Variants in PKD1L1 observed in about 807,000 individuals in gnomAD.
The protein encoded by PKD1L1 is polycystin 1 like 1, transient receptor potential channel interacting.
In PKD1L1, 236 loss-of-function variants were observed where a neutral mutation model predicts 323.4. The observed-to-expected ratio is 0.73, with a 90% confidence interval of 0.66 to 0.81. The LOEUF (loss-of-function observed/expected upper bound fraction) is 0.81, where lower values mean the gene tolerates loss of function less well. PKD1L1 is among the 40% of genes least tolerant of loss of function. The pLI, the probability that PKD1L1 is intolerant of heterozygous loss-of-function variation, is 0.00. For missense variants in PKD1L1, 3,320 were observed against 3,508.0 expected (o/e 0.95, Z 1.35); for synonymous variants, 1,344 against 1,335.0 (o/e 1.01, Z -0.15).
At chr7:47,853,371 A>G (rs1315058339) in intron 30 of PKD1L1, 144 bp from the exon 31 acceptor site, 7 of 634,134 alleles carry the variant, frequency 1.1e-5, no homozygotes, top group Admixed American at 8.2e-5. Flanking sequence ...AAAAGGGTCA[A>G]TGTGCTTAAT....
intron 1 of PKD1L1, 57 bp downstream of exon 1, chr7:47,948,340 T>C: frequency 6.3e-7 from 1 of 1,597,440 alleles, no homozygotes; most frequent in Non-Finnish European, 8.6e-7. Flanking sequence ...AGAAAATTTC[T>C]GAATGCATAC....
In PKD1L1 at chr7:47,885,793, T is replaced by C. The variant is rs762605350; in HGVS notation, c.3098A>G (p.Glu1033Gly). 14 of 1,614,186 alleles carry C rather than the reference T, an allele frequency of 8.7e-6. No individual in the cohort carries two copies. Among genetic ancestry groups the C allele is most frequent in the Non-Finnish European group, 1.2e-5 (14 of 1,180,038 alleles). The change falls in exon 18 of 57, where the codon GAG (glutamate) becomes GGG (glycine). Residue 1033 changes from glutamate to glycine, a missense_variant. Glu to Gly is a moderately conservative substitution (Grantham distance 98, BLOSUM62 -2). Transcript: ENST00000289672. Reference sequence around the variant, plus strand: ...TGGCTCTAGGTCTAGTGAACCTTCCTCTGGAGCCTCCCCCAGGACTGCAGA... The same window carrying C: ...TGGCTCTAGGTCTAGTGAACCTTCCCCTGGAGCCTCCCCCAGGACTGCAGA... ...GDSAVLGEAP[E>G]EGSLDLEPGP...
intron 34 of PKD1L1, among the ~76,000 whole-genome samples, chr7:47,841,478 C>G (rs1390854494): frequency 1.3e-5 from 2 of 152,152 alleles, no homozygotes; most frequent in African/African-American, 4.8e-5. Flanking sequence ...TCTTTTCTAC[C>G]TGAATTTTAG....
chr7:47,829,603 T>G lies in PKD1L1; in HGVS notation c.6559-2A>C. On this transcript the variant is annotated splice_acceptor_variant, in intron 43 of 56. Coordinates refer to ENST00000289672, the MANE Select transcript of PKD1L1 (RefSeq NM_138295.5). LOFTEE classifies it high-confidence loss of function. ...AAAACCCAAGGCCATGAGGCATACC[T>G]GGAAGGAAAAACATGACAGCGCAGA... The G allele has an allele frequency of 3.7e-6, 6 of 1,603,720 alleles. No homozygotes were observed. The highest frequency in any genetic ancestry group is 5.1e-6 in the Non-Finnish European group (6 of 1,175,740).
At chr7:47,954,914 A>C in the PKD1L1 span, among the ~76,000 whole-genome samples, 1 of 152,218 alleles carries the variant, frequency 6.6e-6, no homozygotes, top group African/African-American at 2.4e-5. Flanking sequence ...TTATGGTTGT[A>C]AGATTGGTTC....
chr7:47,835,271 A>G, intron 37 of PKD1L1, 28 bp from the exon 38 acceptor site: 1 of 1,452,206 alleles, frequency 6.9e-7, no homozygotes, highest in Non-Finnish European at 9.4e-7. Context: ...CAGCCATTAC[A>G]TCAACTCAAT....
At chr7:47,813,612 G>T (rs769867369) in intron 48 of PKD1L1, 9 of 664,172 alleles carry the variant, frequency 1.4e-5, no homozygotes, top group South Asian at 1.5e-5. Flanking sequence ...ATTAGAAAAA[G>T]ATATGTGAAT....
At chr7:47,893,081 A>T (rs140695939) in intron 15 of PKD1L1, among the ~76,000 whole-genome samples, 2,540 of 151,822 alleles carry the variant, frequency 0.017, 74 homozygotes, top group African/African-American at 0.057. Context: ...AATACAAAAA[A>T]TAGCCAGGCA....
chr7:47,783,914 A>G (rs1786751154), intron 56 of PKD1L1, among the ~76,000 whole-genome samples: 2 of 152,228 alleles, frequency 1.3e-5, no homozygotes, highest in Admixed American at 1.3e-4. Context: ...AACCTCAAAA[A>G]GAAGCCAGCC....
At chr7:47,956,481 C>G in the PKD1L1 span, among the ~76,000 whole-genome samples, 1 of 152,170 alleles carries the variant, frequency 6.6e-6, no homozygotes, top group Admixed American at 6.5e-5. Context: ...CTTAGGGCAC[C>G]ATTTGGCACT....
chr7:47,814,943 A>G (rs1461838126), intron 47 of PKD1L1, among the ~76,000 whole-genome samples: 2 of 152,200 alleles, frequency 1.3e-5, no homozygotes, highest in African/African-American at 2.4e-5. Context: ...GCTTCCTTGC[A>G]CTTCCTCTGT....
At chr7:47,823,904 T>A (rs2128733264) in intron 45 of PKD1L1, among the ~76,000 whole-genome samples, 1 of 152,346 alleles carries the variant, frequency 6.6e-6, no homozygotes, top group South Asian at 2.1e-4. Flanking sequence ...TCAATTACAT[T>A]GTGGGTGTTG....
chr7:47,825,301 G>A (rs542321914), intron 45 of PKD1L1, among the ~76,000 whole-genome samples: 232 of 151,638 alleles, frequency 1.5e-3, no homozygotes, highest in African/African-American at 5.3e-3. Context: ...AGGTTGAGGT[G>A]GGTGGATCAC....
At chr7:47,830,997 C>T (rs1357401063) in intron 42 of PKD1L1, among the ~76,000 whole-genome samples, 1 of 152,166 alleles carries the variant, frequency 6.6e-6, no homozygotes, top group Non-Finnish European at 1.5e-5. Context: ...CCCATCCAGG[C>T]CTGCTGCCAT....
intron 3 of PKD1L1, among the ~76,000 whole-genome samples, chr7:47,939,542 C>G (rs1787940017): frequency 6.6e-6 from 1 of 152,198 alleles, no homozygotes; most frequent in Non-Finnish European, 1.5e-5. Flanking sequence ...TCACTCCTCT[C>G]ACGCTTCTCC....
At chr7:47,938,980 C>A (rs746459869) in intron 3 of PKD1L1, among the ~76,000 whole-genome samples, 14 of 152,168 alleles carry the variant, frequency 9.2e-5, no homozygotes, top group Non-Finnish European at 1.6e-4. Flanking sequence ...TGTTTGCCCC[C>A]TTGTGTTTGG....
In PKD1L1 at chr7:47,898,189, C is replaced by T. The variant is rs770798863; in HGVS notation, c.2070G>A (p.Trp690Ter). 3.1e-6 allele frequency: 5 copies of T among 1,612,858 alleles called. No homozygotes were observed. The South Asian group carries it at 5.5e-5, about 18-fold the overall frequency. ...CTCCCAGCCTCACAGGCTGAGACCT[C>T]CATATCTAAGTATCAAGAAGAGAAG... ...KNMGPGKVQI[W>*]RSQPVRLGVT... The change falls in exon 14 of 57, where the codon TGG becomes TGA. Residue 690 changes from tryptophan (W) to a stop codon, truncating the protein, a stop_gained. Transcript: ENST00000289672. LOFTEE classifies it high-confidence loss of function.
At chr7:47,791,296 G>T (rs1432517461) in intron 56 of PKD1L1, among the ~76,000 whole-genome samples, 2 of 151,952 alleles carry the variant, frequency 1.3e-5, no homozygotes, top group East Asian at 3.9e-4. Flanking sequence ...TTCTCTTGCA[G>T]AATTTTCCCA....
chr7:47,929,581 G>T, intron 6 of PKD1L1, 55 bp from the exon 7 acceptor site: 1 of 1,491,122 alleles, frequency 6.7e-7, no homozygotes, highest in South Asian at 1.3e-5. Flanking sequence ...ACTGGGGTGG[G>T]AGGGCAGAAG....
Sources: gnomAD v4.1 joint callset for allele counts (sites outside exome capture counted in the v4.1 genomes callset) on GRCh38, gnomAD v4.1.1 for gene constraint, MANE v1.5 for transcripts, NCBI Gene and HGNC (gene_info 2026-07-23, HGNC 2026-07-21) for gene names.